EFNA5: variants seen among roughly 807,000 people sequenced by gnomAD.
EFNA5 encodes the protein ephrin-A5.
A neutral mutation model predicts 22.9 loss-of-function variants in EFNA5; 5 were observed. That is an observed-to-expected ratio of 0.22 (90% CI 0.11 to 0.46). The LOEUF (loss-of-function observed/expected upper bound fraction) is 0.46. EFNA5 is among the 20% of genes least tolerant of loss of function. The pLI, the probability that EFNA5 is intolerant of heterozygous loss-of-function variation, is 0.99. For missense variants in EFNA5, 237 were observed against 293.3 expected (o/e 0.81, Z 1.40); for synonymous variants, 113 against 112.2 (o/e 1.01, Z -0.04).
intron 1 of EFNA5, among the ~76,000 whole-genome samples, chr5:107,433,766 T>C (rs2112428133): frequency 6.6e-6 from 1 of 152,132 alleles, no homozygotes; most frequent in East Asian, 1.9e-4. Flanking sequence ...CCAGGCATAG[T>C]AGTGTGTGCC....
chr5:107,521,931 C>T (rs1747607938), intron 1 of EFNA5, among the ~76,000 whole-genome samples: 2 of 152,152 alleles, frequency 1.3e-5, no homozygotes, highest in South Asian at 2.1e-4. Context: ...CTCCTGGCCT[C>T]AGGCAATTTG....
At chr5:107,628,167 A>G (rs183622741) in intron 1 of EFNA5, among the ~76,000 whole-genome samples, 97 of 152,318 alleles carry the variant, frequency 6.4e-4, no homozygotes, top group African/African-American at 2.2e-3. Flanking sequence ...CCAAGAAGGT[A>G]AAGAACTTGA....
chr5:107,496,354 CAA>C (rs1161571717), intron 1 of EFNA5, among the ~76,000 whole-genome samples: 1 of 121,728 alleles, frequency 8.2e-6, no homozygotes, highest in Non-Finnish European at 1.6e-5. Flanking sequence ...AAAAAAAAAA[CAA>C]AAAAACAAAA....
In EFNA5 at chr5:107,377,978, CAT is replaced by C. The variant is rs915727803; in HGVS notation, c.*3275_*3276del. ...TAAGATTGGGTGGGCAATGACCACA[CAT>C]GAGTCCTGTATGGAGCAGTGTCTCA... On this transcript the variant is annotated 3_prime_UTR_variant, in exon 5 of 5. Coordinates refer to ENST00000333274, the MANE Select transcript of EFNA5 (RefSeq NM_001962.3). 5 of 152,130 alleles carry C rather than the reference CAT, an allele frequency of 3.3e-5. No homozygotes were observed. The highest frequency in any genetic ancestry group is 1.2e-4 in the African/African-American group (5 of 41,418). The allele number at this position is 152,130 out of a possible 1,614,324, so 9.4% of individuals were successfully genotyped here. A position where few individuals can be genotyped will look rare whatever the true frequency, so the allele number is the denominator to read the frequency against.
intron 4 of EFNA5, 131 bp downstream of exon 4, chr5:107,387,104 T>G: frequency 1.8e-6 from 1 of 568,086 alleles, no homozygotes; most frequent in Non-Finnish European, 3.2e-6. Flanking sequence ...CATATTAGCA[T>G]CGCTAGCAAT....
chr5:107,512,388 CAAA>C (rs747635207), intron 1 of EFNA5, among the ~76,000 whole-genome samples: 27 of 130,922 alleles, frequency 2.1e-4, no homozygotes, highest in South Asian at 2.4e-4. Flanking sequence ...ACAACAACAA[CAAA>C]AAACACAAAA....
In EFNA5 at chr5:107,622,894, G is replaced by A. The variant is rs1450061878; in HGVS notation, c.125+47595C>T. Among the ~76,000 whole-genome samples the A allele has an allele frequency of 5.3e-5, 8 of 151,252 alleles. No homozygotes were observed. In the East Asian group the frequency reaches 1.6e-3, roughly 29 times the overall value. Reference sequence around the variant, plus strand: ...AAATTAGCCGGGCGCGGTGGCGGGCGCCTGTAGTCCCAGCTACTCGGGAGG... The same window carrying A: ...AAATTAGCCGGGCGCGGTGGCGGGCACCTGTAGTCCCAGCTACTCGGGAGG... On this transcript the variant is annotated intron_variant, in intron 1 of 4. Coordinates refer to ENST00000333274, the MANE Select transcript of EFNA5 (RefSeq NM_001962.3).
chr5:107,494,285 T>A (rs1746903286), intron 1 of EFNA5, among the ~76,000 whole-genome samples: 1 of 152,060 alleles, frequency 6.6e-6, no homozygotes. Flanking sequence ...GGGCGGCGCT[T>A]GAGGGCCAGC....
At chr5:107,591,983 AATATATAAT>A (rs1749365188) in intron 1 of EFNA5, among the ~76,000 whole-genome samples, 1 of 24,942 alleles carries the variant, frequency 4.0e-5, no homozygotes, top group Non-Finnish European at 6.6e-5. Flanking sequence ...TATAATATAT[AATATATAAT>A]ATATATAATA....
intron 1 of EFNA5, among the ~76,000 whole-genome samples, chr5:107,575,305 T>C (rs534170980): frequency 5.0e-4 from 76 of 152,316 alleles, no homozygotes; most frequent in African/African-American, 1.8e-3. Context: ...TTAAGGATCT[T>C]CAGGTGCACT....
intron 1 of EFNA5, among the ~76,000 whole-genome samples, chr5:107,604,274 G>A (rs976396530): frequency 1.4e-4 from 21 of 152,042 alleles, no homozygotes; most frequent in Non-Finnish European, 1.9e-4. Flanking sequence ...TGAACTCCTG[G>A]GCTCAAGCAA....
chr5:107,535,019 T>C (rs1417394439), intron 1 of EFNA5, among the ~76,000 whole-genome samples: 4 of 152,230 alleles, frequency 2.6e-5, no homozygotes, highest in Non-Finnish European at 5.9e-5. Context: ...ATGATGTACC[T>C]TCCTCCACGT....
At chr5:107,604,661 C>G (rs1749674904) in intron 1 of EFNA5, among the ~76,000 whole-genome samples, 1 of 152,156 alleles carries the variant, frequency 6.6e-6, no homozygotes, top group South Asian at 2.1e-4. Flanking sequence ...ACTTGCCGTG[C>G]AGACATGTCA....
intron 1 of EFNA5, among the ~76,000 whole-genome samples, chr5:107,556,654 G>A (rs995098805): frequency 6.6e-6 from 1 of 151,944 alleles, no homozygotes; most frequent in Non-Finnish European, 1.5e-5. Flanking sequence ...GCTGGCACGG[G>A]AGAATCGCTT....
At chr5:107,491,581 G>T (rs1746808132) in intron 1 of EFNA5, among the ~76,000 whole-genome samples, 2 of 151,942 alleles carry the variant, frequency 1.3e-5, no homozygotes, top group Non-Finnish European at 2.9e-5. Context: ...AAAGTGCTGG[G>T]ATTACAGGCA....
chr5:107,416,971 A>T (rs1010001085), intron 2 of EFNA5, among the ~76,000 whole-genome samples: 1 of 152,082 alleles, frequency 6.6e-6, no homozygotes. Flanking sequence ...GTAACAATTT[A>T]CTGGAGGAGA....
intron 1 of EFNA5, among the ~76,000 whole-genome samples, chr5:107,605,157 G>A (rs1277324623): frequency 6.6e-6 from 1 of 151,668 alleles, no homozygotes; most frequent in Non-Finnish European, 1.5e-5. Flanking sequence ...GGGGATGGGG[G>A]GGGAAGCAGA....
intron 2 of EFNA5, among the ~76,000 whole-genome samples, chr5:107,404,503 A>G (rs954514077): frequency 2.0e-5 from 3 of 152,192 alleles, no homozygotes; most frequent in Non-Finnish European, 4.4e-5. Context: ...ATTATCTACT[A>G]TTTCCATGCA....
intron 2 of EFNA5, among the ~76,000 whole-genome samples, chr5:107,392,276 T>C (rs1388774089): frequency 2.7e-5 from 4 of 150,882 alleles, no homozygotes; most frequent in East Asian, 1.9e-4. Flanking sequence ...TTCTAAAGAG[T>C]AGAACATGGC....
Sources: allele counts gnomAD v4.1 joint callset (sites outside exome capture counted in the v4.1 genomes callset), GRCh38; gene constraint gnomAD v4.1.1; transcripts MANE v1.5; gene names NCBI Gene and HGNC (gene_info 2026-07-23, HGNC 2026-07-21).